FOXRED2: variants seen among roughly 807,000 people sequenced by gnomAD.
FOXRED2 encodes FAD-dependent oxidoreductase domain-containing protein 2.
FOXRED2 carries 32 observed loss-of-function variants against 52.5 expected under a neutral mutation model. The ratio of observed to expected loss-of-function variants is 0.61; its 90% CI spans 0.46 to 0.82. FOXRED2 has a LOEUF of 0.82. Ranked by LOEUF, FOXRED2 falls within the 40% of genes least tolerant of loss-of-function variation. FOXRED2 has a pLI of 0.00. For missense variants in FOXRED2, 848 were observed against 937.5 expected, an observed-to-expected ratio of 0.90 and a Z score of 1.25; for synonymous variants, 405 against 398.1, an observed-to-expected ratio of 1.02 and a Z score of -0.21.
Position 36,490,698 on chromosome 22 carries a change from C to G in FOXRED2, c.1796-431G>C, listed in dbSNP as rs1933734478. On this transcript the variant is annotated intron_variant, in intron 8 of 8. Coordinates refer to ENST00000397224, the MANE Select transcript of FOXRED2 (RefSeq NM_001102371.2). Reference sequence around the variant, plus strand: ...CAGATCTGCCTGCAAAGACGCAGTCCCTCAACAACATTTGAGTTGCAAATA... The same window carrying G: ...CAGATCTGCCTGCAAAGACGCAGTCGCTCAACAACATTTGAGTTGCAAATA... Among the ~76,000 whole-genome samples the G allele has an allele frequency of 2.0e-5, 3 of 152,196 alleles. No homozygotes were observed. The South Asian group carries it at 6.2e-4, about 32-fold the overall frequency.
rs531033953 is a variant in FOXRED2, at chr22:36,493,864, C to A, written c.1625-61G>T. The A allele has an allele frequency of 8.1e-6, 12 of 1,481,204 alleles. No individual in the cohort carries two copies. The East Asian group carries it at 2.5e-4, about 31-fold the overall frequency. The allele number at this position is 1,481,204 out of a possible 1,614,324, so 91.8% of individuals were successfully genotyped here. On this transcript the variant is annotated intron_variant, in intron 7 of 8. Transcript: ENST00000397224. ...TGAGGCTGGGCTTCCCCTCCTCGGG[C>A]CGACACAGCACGGATCCCACACAGC...
intron 7 of FOXRED2, among the ~76,000 whole-genome samples, chr22:36,495,257 C>A (rs892285466): frequency 6.6e-6 from 1 of 152,120 alleles, no homozygotes; most frequent in Non-Finnish European, 1.5e-5. Context: ...CCATGCCCAG[C>A]CTCTTAGTGC....
At chr22:36,493,829 G>A in intron 7 of FOXRED2, 26 bp from the exon 8 acceptor site, 3 of 1,609,216 alleles carry the variant, frequency 1.9e-6, no homozygotes, top group Non-Finnish European at 2.5e-6. Flanking sequence ...AGGGGGCCAT[G>A]TCAGAGCTGT....
Position 36,497,772 on chromosome 22 carries a change from A to G in FOXRED2, c.1382+219T>C, listed in dbSNP as rs375871046. Among the ~76,000 whole-genome samples the G allele has an allele frequency of 5.9e-5, 9 of 152,314 alleles. No homozygotes were observed. The East Asian group carries it at 1.5e-3, about 26-fold the overall frequency. On this transcript the variant is annotated intron_variant, in intron 6 of 8. Coordinates refer to ENST00000397224, the MANE Select transcript of FOXRED2 (RefSeq NM_001102371.2). Reference sequence around the variant, plus strand: ...ATTATCCCCATTTTGCAGATGAGGAAGAAGGGCTCAGAGAGGCTCACTAAT... The same window carrying G: ...ATTATCCCCATTTTGCAGATGAGGAGGAAGGGCTCAGAGAGGCTCACTAAT...
At chr22:36,491,085 C>T (rs1272765442) in intron 8 of FOXRED2, among the ~76,000 whole-genome samples, 1 of 151,638 alleles carries the variant, frequency 6.6e-6, no homozygotes, top group Non-Finnish European at 1.5e-5. Context: ...TCACTCGAAT[C>T]CAGGAGGCGG....
intron 5 of FOXRED2, among the ~76,000 whole-genome samples, chr22:36,499,559 G>A (rs1199024635): frequency 1.3e-5 from 2 of 152,134 alleles, no homozygotes; most frequent in Admixed American, 6.6e-5. Flanking sequence ...CTGGGAAGTC[G>A]AGGCTGCAGT....
rs765643328 is a variant in FOXRED2 at position 36,490,082 on chromosome 22, G to T, written c.1981C>A (p.Gln661Lys). Residue 661 changes from glutamine to lysine, a missense_variant, in exon 9 of 9, where the codon CAA becomes AAA. By Grantham distance (53) the Gln-to-Lys change is moderately conservative. Coordinates refer to ENST00000397224, the MANE Select transcript of FOXRED2 (RefSeq NM_001102371.2). Reference sequence around the variant, plus strand: ...GCCAGGGGGGAACCTAGTGGCTCTTGGTCGCCAAGCTGCTGGCTGCTGTCC... The same window carrying T: ...GCCAGGGGGGAACCTAGTGGCTCTTTGTCGCCAAGCTGCTGGCTGCTGTCC... Reference protein sequence around the residue: ...LEDSSQQLGDQEPLGSPLAPG... With the variant: ...LEDSSQQLGDKEPLGSPLAPG... The T allele has an allele frequency of 1.2e-5, 19 of 1,613,520 alleles. No homozygotes were observed. The highest frequency in any genetic ancestry group is 1.6e-5 in the Non-Finnish European group (19 of 1,179,632).
At chr22:36,498,819 C>T (rs1197782724) in intron 5 of FOXRED2, among the ~76,000 whole-genome samples, 2 of 150,044 alleles carry the variant, frequency 1.3e-5, no homozygotes, top group Non-Finnish European at 3.0e-5. Context: ...CCAGGAGGAA[C>T]CGACTCCCAG....
At chr22:36,492,213 T>C (rs1933774747) in intron 8 of FOXRED2, among the ~76,000 whole-genome samples, 1 of 152,166 alleles carries the variant, frequency 6.6e-6, no homozygotes, top group Admixed American at 6.6e-5. Flanking sequence ...GGTGGCTGTT[T>C]GGCAGGCACC....
intron 7 of FOXRED2, among the ~76,000 whole-genome samples, 171 bp downstream of exon 7, chr22:36,495,796 G>A (rs1278208635): frequency 6.6e-6 from 1 of 152,240 alleles, no homozygotes; most frequent in East Asian, 1.9e-4. Flanking sequence ...GAATCTGGAA[G>A]CATCGTTCAT....
At chr22:36,495,136 G>GT (rs71324810) in intron 7 of FOXRED2, among the ~76,000 whole-genome samples, 1 of 151,786 alleles carries the variant, frequency 6.6e-6, no homozygotes. Context: ...TTTTTTTCAT[G>GT]TTTTTTTAGA....
chr22:36,497,964 G>C, intron 6 of FOXRED2, 27 bp downstream of exon 6: 1 of 1,604,552 alleles, frequency 6.2e-7, no homozygotes, highest in Non-Finnish European at 8.5e-7. Flanking sequence ...TGGGCCGAGG[G>C]GAGTAGGGTG....
intron 8 of FOXRED2, among the ~76,000 whole-genome samples, chr22:36,492,457 A>G (rs1933780746): frequency 6.6e-6 from 1 of 152,314 alleles, no homozygotes; most frequent in Non-Finnish European, 1.5e-5. Flanking sequence ...GGGACAATGC[A>G]TTGGTGGGAC....
chr22:36,501,379 A>G lies in FOXRED2; in HGVS notation c.1078T>C (p.Phe360Leu), dbSNP rs753040690. Residue 360 changes from phenylalanine to leucine, a missense_variant, in exon 5 of 9, where the codon TTC becomes CTC. Physicochemically the swap from Phe to Leu is conservative, Grantham distance 22 (BLOSUM62 0). Transcript: ENST00000397224. ...KSLRLNSGNA[F>L]GKKYPLIRAS... ...CGAATCAGCGGGTACTTCTTGCCGA[A>G]TGCATTTCCCGAGTTAAGTCTGAGG... The G allele has an allele frequency of 6.2e-7, 1 of 1,614,188 alleles. No homozygotes were observed. The highest frequency in any genetic ancestry group is 1.7e-5 in the Admixed American group (1 of 60,014).
chr22:36,506,054 G>A lies in FOXRED2; in HGVS notation c.369C>T (p.Arg123=), dbSNP rs201582388. ...AGTCACCCAGGTAGCGCACCATGTC[G>A]CGGGCGTCGGGGAAGTAGGCACGCG... ...HYSRAYFPDA[R]DMVRYLGDFA... is the part of the protein sequence containing the mutation. Residue 123 remains arginine, a synonymous_variant, in exon 2 of 9, where the codon CGC becomes CGT. Transcript: ENST00000397224. 1,172 of 1,614,254 alleles carry A rather than the reference G, an allele frequency of 7.3e-4. 1 individual carries two copies. The highest frequency in any genetic ancestry group is 9.1e-4 in the Non-Finnish European group (1,073 of 1,180,042).
rs1193195462 is a variant in FOXRED2 at position 36,504,149 on chromosome 22, T to A, written c.998A>T (p.Asp333Val). 36 of 1,614,078 alleles carry A rather than the reference T, an allele frequency of 2.2e-5. No homozygotes were observed. The highest frequency in any genetic ancestry group is 2.9e-5 in the Non-Finnish European group (34 of 1,180,034). ...NDNFAMRVPY[D>V]RVIRCLGWNF... Reference sequence around the variant, plus strand: ...CCAGCCCAGGCAGCGGATTACCCGGTCATAGGGCACGCGCATGGCAAAGTT... The same window carrying A: ...CCAGCCCAGGCAGCGGATTACCCGGACATAGGGCACGCGCATGGCAAAGTT... Residue 333 changes from aspartate (D) to valine (V), a missense_variant, in exon 4 of 9, where the codon GAC becomes GTC. By Grantham distance (152) the Asp-to-Val change is radical. Coordinates refer to ENST00000397224, the MANE Select transcript of FOXRED2 (RefSeq NM_001102371.2).
At chr22:36,502,135 C>T (rs561609045) in intron 4 of FOXRED2, among the ~76,000 whole-genome samples, 2 of 151,996 alleles carry the variant, frequency 1.3e-5, no homozygotes, top group Admixed American at 1.3e-4. Flanking sequence ...TGCCATTGCA[C>T]TCCAGCCTGG....
intron 7 of FOXRED2, among the ~76,000 whole-genome samples, chr22:36,494,421 T>C (rs1318085668): frequency 6.6e-6 from 1 of 151,500 alleles, no homozygotes; most frequent in Admixed American, 6.6e-5. Context: ...CCACTGCGCC[T>C]GGCTGTGGCT....
chr22:36,487,492 G>C lies in FOXRED2; in HGVS notation c.*2516C>G, dbSNP rs1417474999. On this transcript the variant is annotated 3_prime_UTR_variant, in exon 9 of 9. Coordinates refer to ENST00000397224, the MANE Select transcript of FOXRED2 (RefSeq NM_001102371.2). ...AGGTCAGAGCAGGTGACAGAGGCTA[G>C]GAGGGGATTGTTTACTGAAACTAGG... 6.6e-6 allele frequency: 1 copy of C among 152,232 alleles called. No individual in the cohort carries two copies. Among genetic ancestry groups the C allele is most frequent in the Non-Finnish European group, 1.5e-5 (1 of 68,044 alleles). The allele number at this position is 152,232 out of a possible 1,614,324, so 9.4% of individuals were successfully genotyped here. A position where few individuals can be genotyped will look rare whatever the true frequency, so the allele number is the denominator to read the frequency against.
Sources: allele counts gnomAD v4.1 joint callset (sites outside exome capture counted in the v4.1 genomes callset), GRCh38; gene constraint gnomAD v4.1.1; transcripts MANE v1.5; gene names NCBI Gene and HGNC (gene_info 2026-07-23, HGNC 2026-07-21).